LDLRAD1: variants seen among roughly 807,000 people sequenced by gnomAD.
LDLRAD1 encodes low density lipoprotein receptor class A domain containing 1, also known as low-density lipoprotein receptor class A domain-containing protein 1.
A neutral mutation model predicts 24.8 loss-of-function variants in LDLRAD1; 17 were observed. The observed-to-expected ratio is 0.69, with a 90% confidence interval of 0.47 to 1.03. The LOEUF (loss-of-function observed/expected upper bound fraction) is 1.03. LDLRAD1 is among the 50% of genes least tolerant of loss of function. LDLRAD1 has a pLI of 0.00. For missense variants in LDLRAD1, 277 were observed against 271.0 expected (o/e 1.02, Z -0.16); for synonymous variants, 103 against 108.2 (o/e 0.95, Z 0.30).
rs773353332 is a variant in LDLRAD1, at chr1:54,009,088, G to A, written c.512C>T (p.Pro171Leu). 1 of 1,613,962 alleles carries A rather than the reference G, an allele frequency of 6.2e-7. No individual in the cohort carries two copies. Among genetic ancestry groups the A allele is most frequent in the Non-Finnish European group, 8.5e-7 (1 of 1,179,980 alleles). ...PPCGPGWWRC[P>L]STFFKYCDCI... is the part of the protein sequence containing the mutation. Reference sequence around the variant, plus strand: ...GTCGCAGTACTTGAAGAAGGTTGAAGGACAGCGCCACCACCCAGGGCCGCA... The same window carrying A: ...GTCGCAGTACTTGAAGAAGGTTGAAAGACAGCGCCACCACCCAGGGCCGCA... Residue 171 changes from proline (P) to leucine (L), a missense_variant, in exon 6 of 6, where the codon CCT (proline) becomes CTT (leucine). By Grantham distance (98) the Pro-to-Leu change is moderately conservative. Transcript: ENST00000371360.
chr1:54,011,261 G>A (rs370428369), intron 4 of LDLRAD1, among the ~76,000 whole-genome samples: 1 of 152,136 alleles, frequency 6.6e-6, no homozygotes, highest in African/African-American at 2.4e-5. Context: ...GTGGTCTATC[G>A]GGGCAGGGTT....
chr1:54,010,768 G>A (rs1187152505), intron 4 of LDLRAD1, among the ~76,000 whole-genome samples: 1 of 152,156 alleles, frequency 6.6e-6, no homozygotes, highest in East Asian at 1.9e-4. Flanking sequence ...TCACCTCCAG[G>A]AAGCCTCTTC....
At chr1:54,015,458 C>T (rs185420039) in intron 2 of LDLRAD1, among the ~76,000 whole-genome samples, 11 of 152,222 alleles carry the variant, frequency 7.2e-5, no homozygotes, top group Non-Finnish European at 1.6e-4. Flanking sequence ...TGCAGCTTGC[C>T]CTGGTCCTTG....
intron 2 of LDLRAD1, among the ~76,000 whole-genome samples, chr1:54,016,355 T>C (rs1656304346): frequency 6.6e-6 from 1 of 152,136 alleles, no homozygotes; most frequent in Non-Finnish European, 1.5e-5. Flanking sequence ...GCAGCGTGAC[T>C]CTGGGCAGGG....
chr1:54,018,153 G>A lies in LDLRAD1; in HGVS notation c.-41C>T. On this transcript the variant is annotated 5_prime_UTR_variant, in exon 1 of 6. Transcript: ENST00000371360. ...CTGCCCGACTGGGGCTGTGTGCAGA[G>A]AGCTCAGCACGGGTTCCCTGCATTG... 1 of 1,612,738 alleles carries A rather than the reference G, an allele frequency of 6.2e-7. No homozygotes were observed. Among genetic ancestry groups the A allele is most frequent in the Non-Finnish European group, 8.5e-7 (1 of 1,179,384 alleles).
At chr1:54,014,146 A>G in intron 3 of LDLRAD1, 90 bp downstream of exon 3, 3 of 1,464,658 alleles carry the variant, frequency 2.0e-6, no homozygotes, top group Non-Finnish European at 2.8e-6. Flanking sequence ...CCTGGTGGAG[A>G]AGCCAGGCAG....
At position 54,008,900 on chromosome 1, in the gene LDLRAD1, T is replaced by TTTAAAAAA; in HGVS notation, c.*81_*82insTTTTTTAA. On this transcript the variant is annotated 3_prime_UTR_variant, in exon 6 of 6. Coordinates refer to ENST00000371360, the MANE Select transcript of LDLRAD1 (RefSeq NM_001010978.4). ...CCATTTCAAAGGCTGCTTCCTGCCC[T>TTTAAAAAA]TGTGCGCTAGGATTTGATTTTCATG... is the stretch of plus-strand genomic sequence containing the variant. 1 of 1,191,230 alleles carries TTTAAAAAA rather than the reference T, an allele frequency of 8.4e-7. No individual in the cohort carries two copies. Among genetic ancestry groups the TTTAAAAAA allele is most frequent in the Non-Finnish European group, 1.1e-6 (1 of 892,126 alleles). The allele number at this position is 1,191,230 out of a possible 1,614,324, so 73.8% of individuals were successfully genotyped here. A position where few individuals can be genotyped will look rare whatever the true frequency, so the allele number is the denominator to read the frequency against.
At chr1:54,015,374 T>C (rs1185804981) in intron 2 of LDLRAD1, among the ~76,000 whole-genome samples, 3 of 151,644 alleles carry the variant, frequency 2.0e-5, no homozygotes, top group African/African-American at 7.3e-5. Context: ...TGTACTTTAA[T>C]TCTCCTTTAA....
intron 4 of LDLRAD1, 39 bp downstream of exon 4, chr1:54,012,104 G>C: frequency 6.2e-7 from 1 of 1,609,048 alleles, no homozygotes; most frequent in Non-Finnish European, 8.5e-7. Context: ...CGGAGTGTGG[G>C]GGAACCCCTG....
At chr1:54,017,795 A>T (rs1361159628) in intron 1 of LDLRAD1, among the ~76,000 whole-genome samples, 1 of 151,958 alleles carries the variant, frequency 6.6e-6, no homozygotes, top group Non-Finnish European at 1.5e-5. Context: ...AGCACTTGCC[A>T]CCTGGACTGT....
intron 2 of LDLRAD1, among the ~76,000 whole-genome samples, chr1:54,016,064 T>G (rs891147508): frequency 2.0e-5 from 3 of 152,130 alleles, no homozygotes; most frequent in Admixed American, 2.0e-4. Context: ...ACATTTCTGA[T>G]GCAGTGTCCT....
chr1:54,013,628 C>G (rs1656159281), intron 3 of LDLRAD1, among the ~76,000 whole-genome samples: 1 of 152,068 alleles, frequency 6.6e-6, no homozygotes, highest in South Asian at 2.1e-4. Flanking sequence ...ACATGCTGTT[C>G]CCTGTGCCTG....
In LDLRAD1 at chr1:54,014,359, C is replaced by T. The variant is rs866943826; in HGVS notation, c.79G>A (p.Gly27Ser). The T allele has an allele frequency of 2.5e-5, 38 of 1,547,164 alleles. No individual in the cohort carries two copies. The African/African-American group carries it at 2.5e-4, about 10-fold the overall frequency. Residue 27 changes from glycine (G) to serine (S), a missense_variant, in exon 3 of 6, where the codon GGC becomes AGC. Transcript: ENST00000371360. ...SKAHPGGEAGGGHLCCSRRGA... is the reference protein window; with the variant it reads ...SKAHPGGEAGSGHLCCSRRGA... ...CGACGTGAGCAGCAGAGGTGGCCGC[C>T]GCCTGCTGTGTGGGGGGGAAACAAG...
intron 2 of LDLRAD1, among the ~76,000 whole-genome samples, chr1:54,016,127 G>A (rs1289656885): frequency 6.6e-6 from 1 of 152,122 alleles, no homozygotes; most frequent in Non-Finnish European, 1.5e-5. Flanking sequence ...GCAAAGAGAG[G>A]GCATTCCAGG....
chr1:54,008,104 G>C lies in LDLRAD1; in HGVS notation c.*878C>G, dbSNP rs1655889506. ...GTGGGGAGTGCTGGGGTGGAGAGCA[G>C]GTTGGACAGACAGAAGACTGGTGAG... is the stretch of plus-strand genomic sequence containing the variant. On this transcript the variant is annotated 3_prime_UTR_variant, in exon 6 of 6. Coordinates refer to ENST00000371360, the MANE Select transcript of LDLRAD1 (RefSeq NM_001010978.4). The C allele has an allele frequency of 6.6e-6, 1 of 152,248 alleles. No homozygotes were observed. The highest frequency in any genetic ancestry group is 1.5e-5 in the Non-Finnish European group (1 of 68,076). The allele number at this position is 152,248 out of a possible 1,614,324, so 9.4% of individuals were successfully genotyped here.
chr1:54,011,678 C>A (rs1318278616), intron 4 of LDLRAD1, among the ~76,000 whole-genome samples: 1 of 152,134 alleles, frequency 6.6e-6, no homozygotes, highest in Non-Finnish European at 1.5e-5. Context: ...TTCTGAATAC[C>A]CCTCTGTGCT....
chr1:54,017,900 ACT>A (rs1445491487), intron 1 of LDLRAD1, among the ~76,000 whole-genome samples, 190 bp downstream of exon 1: 3 of 151,634 alleles, frequency 2.0e-5, no homozygotes, highest in African/African-American at 7.3e-5. Flanking sequence ...ATGTATGCCC[ACT>A]CTCTACTGCC....
intron 4 of LDLRAD1, among the ~76,000 whole-genome samples, chr1:54,010,702 AG>A (rs1384939865): frequency 1.3e-5 from 2 of 152,138 alleles, no homozygotes; most frequent in African/African-American, 4.8e-5. Flanking sequence ...CCCTCCACAA[AG>A]AGCCTCCTTG....
chr1:54,017,510 G>T, intron 1 of LDLRAD1, 83 bp from the exon 2 acceptor site: 1 of 1,190,882 alleles, frequency 8.4e-7, no homozygotes. Flanking sequence ...GTTTTCAGAG[G>T]GGTCACTGAG....
Sources: gnomAD v4.1 joint callset for allele counts (sites outside exome capture counted in the v4.1 genomes callset) on GRCh38, gnomAD v4.1.1 for gene constraint, MANE v1.5 for transcripts, NCBI Gene and HGNC (gene_info 2026-07-23, HGNC 2026-07-21) for gene names.